Variants in WDR33 observed in about 807,000 individuals in gnomAD.
WDR33 encodes the protein WD repeat domain 33, also known as pre-mRNA 3' end processing protein WDR33.
WDR33 carries 47 observed loss-of-function variants against 164.9 expected under a neutral mutation model. The ratio of observed to expected loss-of-function variants is 0.29; its 90% CI spans 0.23 to 0.36. The LOEUF is 0.36. WDR33 is among the 10% of genes least tolerant of loss of function. WDR33 has a pLI of 1.00. For missense variants in WDR33, 1,137 were observed against 1,754.1 expected (o/e 0.65, Z 6.28); for synonymous variants, 505 against 589.0 (o/e 0.86, Z 2.06).
chr2:127,711,928 A>G (rs1353889941), intron 18 of WDR33, among the ~76,000 whole-genome samples: 1 of 150,498 alleles, frequency 6.6e-6, no homozygotes, highest in Admixed American at 6.6e-5. Flanking sequence ...ACGCACCACC[A>G]TGCCCGGCTA....
intron 7 of WDR33, chr2:127,737,587 TACA>T (rs1686885704): frequency 1.0e-6 from 1 of 994,202 alleles, no homozygotes; most frequent in Admixed American, 6.1e-5. Flanking sequence ...GGCCAGTACC[TACA>T]CTACGTTAAT....
rs1453033970 is a variant in WDR33 at position 127,741,510 on chromosome 2, GCA to G, written c.725-14735_725-14734del. On this transcript the variant is annotated intron_variant, in intron 7 of 21. Coordinates refer to ENST00000322313, the MANE Select transcript of WDR33 (RefSeq NM_018383.5). The surrounding 1 kb of genome is among the most constrained non-coding windows in gnomAD (Gnocchi z 4.1). The stretch of plus-strand genomic sequence containing the variant: ...CATGCACGTGTGTACACATGTACAA[GCA>G]CACACACAGACACACGAATCCACAG... 1.3e-5 allele frequency among the ~76,000 whole-genome samples: 2 copies of G among 152,108 alleles called. No homozygotes were observed. Among genetic ancestry groups the G allele is most frequent in the Non-Finnish European group, 2.9e-5 (2 of 68,010 alleles).
intron 7 of WDR33, chr2:127,737,386 CAT>C: frequency 4.1e-6 from 4 of 985,438 alleles, no homozygotes; most frequent in East Asian, 1.1e-4. Context: ...TGTTCGGGCA[CAT>C]GTTATTCAAC....
Position 127,764,673 on chromosome 2 carries a change from A to G in WDR33, c.626+155T>C, listed in dbSNP as rs566747760. 1.2e-4 allele frequency: 191 copies of G among 1,583,714 alleles called. No individual in the cohort carries two copies. The Admixed American group carries it at 3.4e-3, about 28-fold the overall frequency. ...TCAGAAAGGTGCCAGCAAAATGGTGAATGTGTGAAAACAAAGAAAAATATT... is the reference window on the plus strand; with the variant it reads ...TCAGAAAGGTGCCAGCAAAATGGTGGATGTGTGAAAACAAAGAAAAATATT... On this transcript the variant is annotated intron_variant, in intron 6 of 21. Coordinates refer to ENST00000322313, the MANE Select transcript of WDR33 (RefSeq NM_018383.5). The surrounding 1 kb of genome is among the most constrained non-coding windows in gnomAD (Gnocchi z 6.2).
At chr2:127,772,015 G>A (rs1024671525) in intron 1 of WDR33, among the ~76,000 whole-genome samples, 7 of 152,088 alleles carry the variant, frequency 4.6e-5, no homozygotes, top group Non-Finnish European at 8.8e-5. Context: ...TTCTCCTAGA[G>A]ATAATATCTA....
At chr2:127,791,534 T>C (rs771209060) in intron 1 of WDR33, among the ~76,000 whole-genome samples, 5 of 152,126 alleles carry the variant, frequency 3.3e-5, no homozygotes, top group Admixed American at 1.3e-4. Context: ...CTGGTGTTTC[T>C]GCTATTAAAG....
At position 127,764,749 on chromosome 2, in the gene WDR33, C is replaced by T; in HGVS notation, c.626+79G>A. ...CCAGAAACTGACAGAGCCCATGCATCTCTGCACCCAGAATACACTTAGAGA... is the reference window on the plus strand; with the variant it reads ...CCAGAAACTGACAGAGCCCATGCATTTCTGCACCCAGAATACACTTAGAGA... On this transcript the variant is annotated intron_variant, in intron 6 of 21. Coordinates refer to ENST00000322313, the MANE Select transcript of WDR33 (RefSeq NM_018383.5). This position sits in a 1 kb window ranked among gnomAD's most constrained non-coding sequence, Gnocchi z 6.2. 1 of 1,614,152 alleles carries T rather than the reference C, an allele frequency of 6.2e-7. No individual in the cohort carries two copies. Among genetic ancestry groups the T allele is most frequent in the Non-Finnish European group, 8.5e-7 (1 of 1,180,016 alleles).
At position 127,724,251 on chromosome 2, in the gene WDR33, A is replaced by T. The variant is rs1456106181; in HGVS notation, c.1196+82T>A. 55 of 1,083,220 alleles carry T rather than the reference A, an allele frequency of 5.1e-5. No homozygotes were observed. The highest frequency in any genetic ancestry group is 7.2e-5 in the Non-Finnish European group (53 of 738,188). The allele number at this position is 1,083,220 out of a possible 1,614,324, so 67.1% of individuals were successfully genotyped here. ...AGTTGGAATATAAATTACTATATCA[A>T]TCAACCAATAAAAATAAACACATAC... is the stretch of plus-strand genomic sequence containing the variant. On this transcript the variant is annotated intron_variant, in intron 11 of 21. Coordinates refer to ENST00000322313, the MANE Select transcript of WDR33 (RefSeq NM_018383.5). The surrounding 1 kb of genome is among the most constrained non-coding windows in gnomAD (Gnocchi z 4.8).
intron 1 of WDR33, among the ~76,000 whole-genome samples, chr2:127,789,593 A>ACTC (rs1239160155): frequency 3.4e-4 from 51 of 149,156 alleles, no homozygotes; most frequent in Middle Eastern, 3.5e-3. Context: ...CGGCAGGCTG[A>ACTC]GGCAGGAGAA....
At chr2:127,751,718 A>G (rs1008196859) in intron 7 of WDR33, among the ~76,000 whole-genome samples, 2 of 152,208 alleles carry the variant, frequency 1.3e-5, no homozygotes, top group African/African-American at 4.8e-5. Context: ...CAGGTTCTAC[A>G]GAAAGAACAT....
chr2:127,739,616 T>C (rs886684616), intron 7 of WDR33, among the ~76,000 whole-genome samples: 4 of 152,206 alleles, frequency 2.6e-5, no homozygotes, highest in African/African-American at 9.7e-5. Context: ...AAATGGAGAT[T>C]ATTACCCAAT....
At chr2:127,773,516 C>A (rs1372096580) in intron 1 of WDR33, among the ~76,000 whole-genome samples, 1 of 152,132 alleles carries the variant, frequency 6.6e-6, no homozygotes, top group Non-Finnish European at 1.5e-5. Flanking sequence ...GTTATTTCCA[C>A]CACTCTGAAG....
intron 7 of WDR33, among the ~76,000 whole-genome samples, chr2:127,747,427 G>A (rs115817357): frequency 3.4e-3 from 510 of 149,522 alleles, no homozygotes; most frequent in African/African-American, 0.012. Context: ...TAGGGCTACC[G>A]CTGCTCTACC....
chr2:127,756,035 G>A (rs1390241712), intron 7 of WDR33, among the ~76,000 whole-genome samples: 1 of 151,962 alleles, frequency 6.6e-6, no homozygotes, highest in African/African-American at 2.4e-5. Flanking sequence ...CAGTTTTCTG[G>A]TATACCATAA....
At position 127,787,445 on chromosome 2, in the gene WDR33, C is replaced by T. The variant is rs1276376707; in HGVS notation, c.-23-16441G>A. Among the ~76,000 whole-genome samples the T allele has an allele frequency of 1.3e-4, 18 of 135,084 alleles. 3 individuals are homozygous for T. Among genetic ancestry groups the T allele is most frequent in the African/African-American group, 5.3e-4 (17 of 32,034 alleles). 88.6% of individuals were successfully genotyped at this position (135,084 alleles called of 152,430 possible). A position where few individuals can be genotyped will look rare whatever the true frequency, so the allele number is the denominator to read the frequency against. On this transcript the variant is annotated intron_variant, in intron 1 of 21. Transcript: ENST00000322313. Reference sequence around the variant, plus strand: ...CCCAGTAGGGGTGGCCGGGCAGAGGCGCCCCTCACCTCCCGGACGGGGCAG... The same window carrying T: ...CCCAGTAGGGGTGGCCGGGCAGAGGTGCCCCTCACCTCCCGGACGGGGCAG...
At chr2:127,739,514 A>G (rs1238033098) in intron 7 of WDR33, among the ~76,000 whole-genome samples, 1 of 152,148 alleles carries the variant, frequency 6.6e-6, no homozygotes, top group Non-Finnish European at 1.5e-5. Context: ...TTTCCAGTAA[A>G]CTGGTTGTGT....
intron 7 of WDR33, among the ~76,000 whole-genome samples, chr2:127,750,650 TA>T (rs1174539929): frequency 3.1e-3 from 46 of 14,936 alleles, no homozygotes; most frequent in African/African-American, 4.9e-3. Flanking sequence ...AACTCCATCT[TA>T]AAAAAAAAAA....
intron 17 of WDR33, among the ~76,000 whole-genome samples, chr2:127,715,162 G>A (rs1212417540): frequency 7.0e-6 from 1 of 142,486 alleles, no homozygotes; most frequent in Non-Finnish European, 1.5e-5. Context: ...CGTGATCTCA[G>A]CTCACTGAAA....
intron 7 of WDR33, among the ~76,000 whole-genome samples, chr2:127,755,543 C>T (rs1265966066): frequency 2.0e-5 from 3 of 152,172 alleles, no homozygotes; most frequent in Non-Finnish European, 4.4e-5. Context: ...ATGATTTATT[C>T]CAGACCACTA....
Sources: gnomAD v4.1 joint callset for allele counts (sites outside exome capture counted in the v4.1 genomes callset) on GRCh38, gnomAD v4.1.1 for gene constraint, Gnocchi (gnomAD v3.1) non-coding constraint, MANE v1.5 for transcripts, NCBI Gene and HGNC (gene_info 2026-07-23, HGNC 2026-07-21) for gene names.